Variants in SETBP1 observed in about 807,000 individuals in gnomAD.
The protein encoded by SETBP1 is SET binding protein 1.
SETBP1 carries 9 observed loss-of-function variants against 101.0 expected under a neutral mutation model. That is an observed-to-expected ratio of 0.09 (90% CI 0.05 to 0.16). SETBP1 has a LOEUF of 0.16. SETBP1 is among the 10% of genes least tolerant of loss of function. The pLI, the probability that SETBP1 is intolerant of heterozygous loss-of-function variation, is 1.00. For missense variants in SETBP1, 1,858 were observed against 2,033.8 expected, an observed-to-expected ratio of 0.91 and a Z score of 1.66; for synonymous variants, 818 against 788.5, an observed-to-expected ratio of 1.04 and a Z score of -0.63.
At chr18:45,002,826 G>T (rs940751103) in intron 4 of SETBP1, among the ~76,000 whole-genome samples, 1 of 152,226 alleles carries the variant, frequency 6.6e-6, no homozygotes, top group African/African-American at 2.4e-5. Context: ...TAAGGGCTCA[G>T]TTGAAAATGT....
chr18:44,980,570 C>G (rs1363273776), intron 4 of SETBP1, among the ~76,000 whole-genome samples: 3 of 152,074 alleles, frequency 2.0e-5, no homozygotes, highest in Non-Finnish European at 2.9e-5. Context: ...CCTCCCGTGC[C>G]TCTCCCGTCT....
intron 4 of SETBP1, among the ~76,000 whole-genome samples, chr18:44,966,874 G>A (rs2071731987): frequency 6.6e-6 from 1 of 152,176 alleles, no homozygotes; most frequent in Non-Finnish European, 1.5e-5. Context: ...GAAAAATGAA[G>A]CTGTTAATAC....
intron 2 of SETBP1, among the ~76,000 whole-genome samples, chr18:44,756,025 C>A: frequency 6.6e-6 from 1 of 152,044 alleles, no homozygotes; most frequent in Admixed American, 6.5e-5. Flanking sequence ...ACCATCCTGG[C>A]TAACATGGTG....
At position 45,066,772 on chromosome 18, in the gene SETBP1, C is replaced by T. The variant is rs893380042; in HGVS notation, c.*3074C>T. ...AAGAGAAACCCCTTGATTTTTATTT[C>T]TTTTTCTTTTGTTTTCTGGATTACC... On this transcript the variant is annotated 3_prime_UTR_variant, in exon 6 of 6. Transcript: ENST00000649279. 5 of 150,692 alleles carry T rather than the reference C, an allele frequency of 3.3e-5. No homozygotes were observed. The highest frequency in any genetic ancestry group is 5.9e-5 in the Non-Finnish European group (4 of 67,726). The allele number at this position is 150,692 out of a possible 1,614,324, so 9.3% of individuals were successfully genotyped here.
At chr18:44,748,315 T>A (rs983384973) in intron 2 of SETBP1, among the ~76,000 whole-genome samples, 1 of 152,216 alleles carries the variant, frequency 6.6e-6, no homozygotes, top group African/African-American at 2.4e-5. Context: ...ATCTCTCTGT[T>A]TCCTATTTAC....
At chr18:44,913,559 A>G (rs2070361722) in intron 3 of SETBP1, among the ~76,000 whole-genome samples, 1 of 152,242 alleles carries the variant, frequency 6.6e-6, no homozygotes, top group Non-Finnish European at 1.5e-5. Flanking sequence ...CATGTAGGGC[A>G]CGAAGGGCCT....
intron 2 of SETBP1, among the ~76,000 whole-genome samples, chr18:44,781,985 T>C (rs2071140856): frequency 6.6e-6 from 1 of 152,216 alleles, no homozygotes; most frequent in Admixed American, 6.5e-5. Flanking sequence ...TTATAAAATG[T>C]CCTTTGCTAG....
chr18:45,003,326 T>C (rs1240134087), intron 4 of SETBP1, among the ~76,000 whole-genome samples: 1 of 152,212 alleles, frequency 6.6e-6, no homozygotes, highest in Non-Finnish European at 1.5e-5. Context: ...GGTTTCAAAC[T>C]CCAAGTGACA....
intron 2 of SETBP1, among the ~76,000 whole-genome samples, chr18:44,779,041 G>C (rs1266288743): frequency 6.6e-6 from 1 of 152,226 alleles, no homozygotes; most frequent in Non-Finnish European, 1.5e-5. Context: ...CCACCGCCGT[G>C]TGTTGATTTT....
At chr18:44,820,653 A>C (rs114613935) in intron 2 of SETBP1, among the ~76,000 whole-genome samples, 286 of 152,286 alleles carry the variant, frequency 1.9e-3, no homozygotes, top group African/African-American at 6.7e-3. Flanking sequence ...CAATTTTCTG[A>C]AATGTCAATC....
At chr18:44,862,632 G>A (rs947866285) in intron 2 of SETBP1, among the ~76,000 whole-genome samples, 1 of 152,230 alleles carries the variant, frequency 6.6e-6, no homozygotes, top group Non-Finnish European at 1.5e-5. Context: ...GGGAACTCAT[G>A]TAGCAGTCTG....
At chr18:44,699,371 GC>G (rs1309861375) in intron 1 of SETBP1, among the ~76,000 whole-genome samples, 1 of 152,220 alleles carries the variant, frequency 6.6e-6, no homozygotes, top group African/African-American at 2.4e-5. Context: ...GTCTCCAACA[GC>G]TGGGGTGGTG....
At chr18:44,776,528 A>G (rs534028368) in intron 2 of SETBP1, among the ~76,000 whole-genome samples, 22 of 152,184 alleles carry the variant, frequency 1.4e-4, no homozygotes, top group Non-Finnish European at 2.6e-4. Context: ...TTCATGGTAA[A>G]TATTTAAGCT....
intron 4 of SETBP1, among the ~76,000 whole-genome samples, chr18:44,959,991 C>A (rs9965094): frequency 0.053 from 8,077 of 152,176 alleles, 750 homozygotes; most frequent in African/African-American, 0.18. Context: ...ACCTCACTGC[C>A]ACCTTCACCT....
chr18:44,991,244 C>CAAAAA (rs55811938), intron 4 of SETBP1, among the ~76,000 whole-genome samples: 25 of 68,182 alleles, frequency 3.7e-4, no homozygotes, highest in African/African-American at 3.6e-4. Context: ...CTGCATCTCA[C>CAAAAA]AAAAAAAAAA....
intron 5 of SETBP1, among the ~76,000 whole-genome samples, chr18:45,059,252 T>C (rs918029113): frequency 2.0e-5 from 3 of 152,204 alleles, no homozygotes; most frequent in African/African-American, 4.8e-5. Context: ...GAATCCCAGA[T>C]GATAGTATGT....
At chr18:44,702,773 T>G (rs1484929312) in intron 2 of SETBP1, among the ~76,000 whole-genome samples, 7 of 152,104 alleles carry the variant, frequency 4.6e-5, no homozygotes, top group Non-Finnish European at 7.4e-5. Context: ...AGCTGAAAAA[T>G]CATCATTGTG....
intron 4 of SETBP1, among the ~76,000 whole-genome samples, chr18:45,035,365 G>T (rs1282100943): frequency 1.3e-5 from 2 of 152,094 alleles, no homozygotes; most frequent in African/African-American, 2.4e-5. Context: ...AATTCTAAAG[G>T]ATCTAGGGTT....
Position 44,944,562 on chromosome 18 carries a change from C to T in SETBP1, c.541-5319C>T, listed in dbSNP as rs142726258. On this transcript the variant is annotated intron_variant, in intron 3 of 5. Transcript: ENST00000649279. ...TTTGTAACTAGCACCTTCAGTGATT[C>T]TGATACGGTAATCTAGGACCACATC... 2.1e-3 allele frequency among the ~76,000 whole-genome samples: 327 copies of T among 152,300 alleles called. 5 individuals carry two copies. Among genetic ancestry groups the T allele is most frequent in the African/African-American group, 7.6e-3 (315 of 41,576 alleles).
Sources: gnomAD v4.1 joint callset for allele counts (sites outside exome capture counted in the v4.1 genomes callset) on GRCh38, gnomAD v4.1.1 for gene constraint, MANE v1.5 for transcripts, NCBI Gene and HGNC (gene_info 2026-07-23, HGNC 2026-07-21) for gene names.